HTR2C: variants seen among roughly 807,000 people sequenced by gnomAD.
HTR2C encodes 5-hydroxytryptamine (serotonin) receptor 2C, G protein-coupled.
Under a neutral mutation model 21.0 loss-of-function variants are expected in HTR2C, and 5 were observed. That is an observed-to-expected ratio of 0.24 (90% CI 0.12 to 0.50). The LOEUF (loss-of-function observed/expected upper bound fraction) is 0.50, where lower values mean the gene tolerates loss of function less well. Among genes scored for constraint, HTR2C ranks in the 20% least tolerant of loss-of-function variants. HTR2C has a pLI of 0.98. For synonymous variants in HTR2C, 150 were observed against 145.3 expected (o/e 1.03, Z -0.23); for missense variants, 271 against 371.2 (o/e 0.73, Z 2.22).
At chrX:114,806,316 C>T (rs782125559) in intron 4 of HTR2C, among the ~76,000 whole-genome samples, 1 of 93,401 alleles carries the variant, frequency 1.1e-5, no homozygotes, top group African/African-American at 4.1e-5. Flanking sequence ...ATATACACTA[C>T]ATATATACAC....
intron 2 of HTR2C, among the ~76,000 whole-genome samples, chrX:114,645,064 A>G (rs1358332749): frequency 3.6e-5 from 4 of 110,964 alleles, no homozygotes; most frequent in African/African-American, 1.3e-4. Context: ...AATCCAAAAC[A>G]CAAGAAAAGG....
At chrX:114,688,544 G>T (rs1556414619) in intron 2 of HTR2C, among the ~76,000 whole-genome samples, 1 of 111,516 alleles carries the variant, frequency 9.0e-6, no homozygotes, top group Non-Finnish European at 1.9e-5. Context: ...AATTATACAT[G>T]TAGTACTTTT....
intron 2 of HTR2C, among the ~76,000 whole-genome samples, chrX:114,646,632 G>C (rs904242841): frequency 8.9e-6 from 1 of 111,777 alleles, no homozygotes; most frequent in Non-Finnish European, 1.9e-5. Flanking sequence ...CCCACTCTGT[G>C]GGGTGTCTCT....
intron 2 of HTR2C, among the ~76,000 whole-genome samples, chrX:114,664,884 T>C (rs782295680): frequency 3.2e-4 from 36 of 112,219 alleles, no homozygotes; most frequent in Non-Finnish European, 5.6e-4. Flanking sequence ...TAACTTAAGG[T>C]GGAATTTTCG....
At position 114,699,400 on chromosome X, in the gene HTR2C, G is replaced by A. The variant is rs146550424; in HGVS notation, c.-79-27458G>A. The stretch of plus-strand genomic sequence containing the variant: ...TCCTGCCCCTTCCCTTCTTAGCACT[G>A]ATCATAACCTCCAACAATATGGAAT... On this transcript the variant is annotated intron_variant, in intron 2 of 5. Transcript: ENST00000276198. 3.4e-4 allele frequency among the ~76,000 whole-genome samples: 38 copies of A among 111,033 alleles called. 1 individual carries two copies. Among genetic ancestry groups the A allele is most frequent in the Non-Finnish European group, 1.5e-4 (8 of 53,009 alleles).
At chrX:114,637,597 T>C (rs1556405483) in intron 2 of HTR2C, among the ~76,000 whole-genome samples, 1 of 111,658 alleles carries the variant, frequency 9.0e-6, no homozygotes, top group Non-Finnish European at 1.9e-5. Flanking sequence ...TCATCGTGTA[T>C]GTGTGTCGGT....
rs1474404431 is a variant in HTR2C, at chrX:114,818,816, A to G, written c.350-29187A>G. Among the ~76,000 whole-genome samples, 12 of 112,412 alleles carry G rather than the reference A, an allele frequency of 1.1e-4. No individual in the cohort carries two copies. In the Admixed American group the frequency reaches 1.1e-3, roughly 11 times the overall value. On this transcript the variant is annotated intron_variant, in intron 4 of 5. Transcript: ENST00000276198. ...GAAGATTGTATTGCCCACAAAGACT[A>G]AAATAGATACTATTTGGCCCTTTAC...
At chrX:114,586,291 G>A (rs1428590088) in intron 1 of HTR2C, among the ~76,000 whole-genome samples, 1 of 111,297 alleles carries the variant, frequency 9.0e-6, no homozygotes, top group Non-Finnish European at 1.9e-5. Flanking sequence ...CATCTACAAT[G>A]CCCCCCCATT....
At chrX:114,793,425 T>C (rs371396561) in intron 4 of HTR2C, among the ~76,000 whole-genome samples, 37 of 111,968 alleles carry the variant, frequency 3.3e-4, no homozygotes, top group African/African-American at 1.2e-3. Context: ...GTCTTCTTTT[T>C]GTTTCTTGGA....
intron 5 of HTR2C, among the ~76,000 whole-genome samples, chrX:114,885,290 A>T (rs1556480969): frequency 9.0e-6 from 1 of 111,669 alleles, no homozygotes; most frequent in Non-Finnish European, 1.9e-5. Context: ...AATATTCACC[A>T]TTGTGTTACA....
Position 114,718,287 on chromosome X carries a change from A to G in HTR2C, c.-79-8571A>G, listed in dbSNP as rs1346561562. ...ATTTTTGCTTCCAAGGTGATTATTG[A>G]TGATGACTTTTAAGTATTTCTGTGA... On this transcript the variant is annotated intron_variant, in intron 2 of 5. Transcript: ENST00000276198. Among the ~76,000 whole-genome samples the G allele has an allele frequency of 3.6e-5, 4 of 112,086 alleles. No homozygotes were observed. The South Asian group carries it at 1.5e-3, about 41-fold the overall frequency.
At chrX:114,779,416 G>T (rs1254450630) in intron 4 of HTR2C, among the ~76,000 whole-genome samples, 1 of 109,587 alleles carries the variant, frequency 9.1e-6, no homozygotes, top group Non-Finnish European at 1.9e-5. Flanking sequence ...CACAGAATAT[G>T]TTTTCTCTTG....
chrX:114,847,096 C>T (rs782418095), intron 4 of HTR2C, among the ~76,000 whole-genome samples: 19 of 110,861 alleles, frequency 1.7e-4, no homozygotes, highest in Non-Finnish European at 2.5e-4. Flanking sequence ...ATACATGCTA[C>T]GAAATAGATA....
intron 1 of HTR2C, among the ~76,000 whole-genome samples, chrX:114,590,583 G>A (rs1927588233): frequency 8.9e-6 from 1 of 111,777 alleles, no homozygotes; most frequent in South Asian, 3.7e-4. Flanking sequence ...GGTGAAAGAA[G>A]ATGAAGGAAG....
At position 114,909,075 on chromosome X, in the gene HTR2C, T is replaced by C. The variant is rs2071396358; in HGVS notation, c.*1660T>C. 1 of 112,494 alleles carries C rather than the reference T, an allele frequency of 8.9e-6. No individual in the cohort carries two copies. 9.3% of individuals were successfully genotyped at this position (112,494 alleles called of 1,213,427 possible). On this transcript the variant is annotated 3_prime_UTR_variant, in exon 6 of 6. Transcript: ENST00000276198. ...CACACAGTATAGATAAATCCAATAG[T>C]CTGCCACAAGGGCAGTGGAAGAGCT...
chrX:114,588,009 A>C (rs1266847895), intron 1 of HTR2C, among the ~76,000 whole-genome samples: 1 of 112,390 alleles, frequency 8.9e-6, no homozygotes, highest in East Asian at 2.8e-4. Context: ...TGGAATTTTA[A>C]TTCTGTTTTT....
intron 4 of HTR2C, among the ~76,000 whole-genome samples, chrX:114,834,075 A>G (rs1440178904): frequency 1.8e-5 from 2 of 110,745 alleles, no homozygotes; most frequent in Non-Finnish European, 3.8e-5. Flanking sequence ...ATAGTTTATT[A>G]TAATCTCTGT....
At chrX:114,836,519 C>T (rs2070786152) in intron 4 of HTR2C, among the ~76,000 whole-genome samples, 1 of 112,365 alleles carries the variant, frequency 8.9e-6, no homozygotes. Flanking sequence ...AACTCCCTGA[C>T]CCCTTGCGCT....
At chrX:114,784,840 C>T (rs782425815) in intron 4 of HTR2C, among the ~76,000 whole-genome samples, 36 of 110,248 alleles carry the variant, frequency 3.3e-4, no homozygotes, top group African/African-American at 1.2e-3. Flanking sequence ...AGGATGATCT[C>T]GATCTCCTGA....
Sources: gnomAD v4.1 joint callset for allele counts (sites outside exome capture counted in the v4.1 genomes callset) on GRCh38, gnomAD v4.1.1 for gene constraint, MANE v1.5 for transcripts, NCBI Gene and HGNC (gene_info 2026-07-23, HGNC 2026-07-21) for gene names.